Variants in ITSN1 observed in about 807,000 individuals in gnomAD.
ITSN1 encodes the protein intersectin-1.
Under a neutral mutation model 239.8 loss-of-function variants are expected in ITSN1, and 58 were observed. The ratio of observed to expected loss-of-function variants is 0.24; its 90% CI spans 0.20 to 0.30. The LOEUF (loss-of-function observed/expected upper bound fraction) is 0.30, where lower values mean the gene tolerates loss of function less well. ITSN1 is among the 10% of genes least tolerant of loss of function. ITSN1 has a pLI of 1.00. For missense variants in ITSN1, 1,558 were observed against 2,103.3 expected, an observed-to-expected ratio of 0.74 and a Z score of 5.07; for synonymous variants, 780 against 770.8, an observed-to-expected ratio of 1.01 and a Z score of -0.20.
At chr21:33,781,953 A>G (rs1291749399) in intron 15 of ITSN1, 41 bp from the exon 16 acceptor site, 2 of 1,546,808 alleles carry the variant, frequency 1.3e-6, no homozygotes, top group Non-Finnish European at 1.7e-6. Context: ...CTCACTGCAA[A>G]TTAAAGTTTT....
At chr21:33,884,942 A>G in intron 36 of ITSN1, 99 bp from the exon 37 acceptor site, 1 of 818,410 alleles carries the variant, frequency 1.2e-6, no homozygotes, top group Non-Finnish European at 2.0e-6. Flanking sequence ...TTAAAATCAA[A>G]TGAACAAAGA....
At chr21:33,761,871 C>A in intron 8 of ITSN1, 52 bp from the exon 9 acceptor site, 1 of 1,303,880 alleles carries the variant, frequency 7.7e-7, no homozygotes, top group Non-Finnish European at 1.1e-6. Context: ...TCCTCCTGTA[C>A]AGTGAGTATT....
intron 16 of ITSN1, 50 bp from the exon 17 acceptor site, chr21:33,794,291 T>C (rs1038042185): frequency 4.5e-6 from 6 of 1,332,816 alleles, no homozygotes; most frequent in Non-Finnish European, 5.3e-6. Flanking sequence ...AAATAGTTGA[T>C]GTACCTGTCA....
At chr21:33,760,662 C>A (rs1442483948) in intron 8 of ITSN1, among the ~76,000 whole-genome samples, 1 of 152,206 alleles carries the variant, frequency 6.6e-6, no homozygotes, top group African/African-American at 2.4e-5. Context: ...GAGCCTACAG[C>A]TCCTTGGTTC....
intron 1 of ITSN1, among the ~76,000 whole-genome samples, chr21:33,644,845 G>A (rs1352996261): frequency 1.3e-5 from 2 of 151,332 alleles, no homozygotes; most frequent in East Asian, 1.9e-4. Context: ...TTTTCTTGAG[G>A]CAGGGTCTGG....
chr21:33,884,558 G>A (rs768009213), intron 36 of ITSN1, among the ~76,000 whole-genome samples: 7 of 152,166 alleles, frequency 4.6e-5, no homozygotes, highest in Non-Finnish European at 8.8e-5. Context: ...TGTGCATATG[G>A]TTCTCAGAAA....
rs1445473638 is a variant in ITSN1, at chr21:33,885,142, G to C, written c.4759+19G>C. 1 of 1,603,518 alleles carries C rather than the reference G, an allele frequency of 6.2e-7. No individual in the cohort carries two copies. The highest frequency in any genetic ancestry group is 1.3e-5 in the African/African-American group (1 of 74,700). On this transcript the variant is annotated intron_variant, in intron 37 of 39. Coordinates refer to ENST00000381318, the MANE Select transcript of ITSN1 (RefSeq NM_003024.3). The stretch of plus-strand genomic sequence containing the variant: ...TACCTGGGTAATGCATGGCCCCGCG[G>C]GGTGTCCTGCACAGCTGGGCAGGAG...
At chr21:33,695,787 T>C (rs1365673342) in intron 1 of ITSN1, among the ~76,000 whole-genome samples, 1 of 152,194 alleles carries the variant, frequency 6.6e-6, no homozygotes, top group African/African-American at 2.4e-5. Flanking sequence ...TTCTGTACTT[T>C]AATGGTGCAG....
rs553887031 is a variant in ITSN1 at position 33,740,065 on chromosome 21, A to G, written c.346+4861A>G. Among the ~76,000 whole-genome samples the G allele has an allele frequency of 1.9e-3, 294 of 152,346 alleles. 1 individual carries two copies. The highest frequency in any genetic ancestry group is 2.4e-3 in the Non-Finnish European group (165 of 68,020). On this transcript the variant is annotated intron_variant, in intron 5 of 39. Transcript: ENST00000381318. ...GTAGATTGGAAATAAGAAATGAAAA[A>G]GGAGTATTAAGGCTTTTCACATGAA...
At chr21:33,790,676 A>G (rs2071052853) in intron 16 of ITSN1, among the ~76,000 whole-genome samples, 1 of 152,340 alleles carries the variant, frequency 6.6e-6, no homozygotes, top group East Asian at 1.9e-4. Context: ...TTCTGTTATA[A>G]TAGCAAAATA....
At chr21:33,786,025 G>A (rs1323127818) in intron 16 of ITSN1, among the ~76,000 whole-genome samples, 3 of 152,288 alleles carry the variant, frequency 2.0e-5, no homozygotes, top group South Asian at 4.1e-4. Context: ...GAGGAGAAAC[G>A]ATAGCACCCT....
At chr21:33,775,431 T>C (rs902047846) in intron 14 of ITSN1, among the ~76,000 whole-genome samples, 1 of 152,122 alleles carries the variant, frequency 6.6e-6, no homozygotes, top group Non-Finnish European at 1.5e-5. Context: ...GTGTACTGTA[T>C]TAGAAGATGA....
intron 29 of ITSN1, among the ~76,000 whole-genome samples, chr21:33,839,896 C>G (rs1260664473): frequency 6.6e-6 from 1 of 152,128 alleles, no homozygotes; most frequent in Non-Finnish European, 1.5e-5. Flanking sequence ...GGATGCTGCT[C>G]CTCATCCTGC....
intron 34 of ITSN1, among the ~76,000 whole-genome samples, chr21:33,879,238 C>A (rs1984497287): frequency 6.6e-6 from 1 of 152,158 alleles, no homozygotes; most frequent in African/African-American, 2.4e-5. Flanking sequence ...GTAGTCTCAG[C>A]TACTTGGGAG....
chr21:33,818,613 A>G (rs1202876789), intron 23 of ITSN1, 141 bp downstream of exon 23: 5 of 706,802 alleles, frequency 7.1e-6, no homozygotes, highest in East Asian at 5.3e-5. Flanking sequence ...GTTATAGTAT[A>G]TAGAGTACCA....
intron 1 of ITSN1, among the ~76,000 whole-genome samples, chr21:33,679,236 A>G (rs973229741): frequency 9.8e-5 from 15 of 152,296 alleles, no homozygotes; most frequent in Admixed American, 2.0e-4. Flanking sequence ...GTGTGTATCT[A>G]TATACATATA....
chr21:33,879,500 G>C (rs1287091346), intron 34 of ITSN1, among the ~76,000 whole-genome samples: 2 of 152,222 alleles, frequency 1.3e-5, no homozygotes, highest in African/African-American at 4.8e-5. Context: ...TGTGTATAAT[G>C]CAAAGGAACA....
Position 33,834,437 on chromosome 21 carries a change from G to T in ITSN1, c.3469+13G>T, listed in dbSNP as rs576333802. ...GCATTAGCGGCAGGTAAGGAGTTTC[G>T]CATCTCTAACTGGAAGATGGTCTGC... On this transcript the variant is annotated intron_variant, in intron 28 of 39. Coordinates refer to ENST00000381318, the MANE Select transcript of ITSN1 (RefSeq NM_003024.3). 3.8e-6 allele frequency: 6 copies of T among 1,558,662 alleles called. No homozygotes were observed. In the South Asian group the frequency reaches 6.8e-5, roughly 18 times the overall value.
chr21:33,726,246 G>A (rs986346508), intron 4 of ITSN1, among the ~76,000 whole-genome samples: 11 of 151,926 alleles, frequency 7.2e-5, no homozygotes, highest in African/African-American at 2.2e-4. Context: ...TGCCTGCCTC[G>A]GCCTCCCAAA....
Sources: gnomAD v4.1 joint callset for allele counts (sites outside exome capture counted in the v4.1 genomes callset) on GRCh38, gnomAD v4.1.1 for gene constraint, MANE v1.5 for transcripts, NCBI Gene and HGNC (gene_info 2026-07-23, HGNC 2026-07-21) for gene names.